The following SEPTIN9 variants were observed in gnomAD, a reference collection of about 807,000 sequenced individuals.
SEPTIN9 encodes the protein septin 9.
In SEPTIN9, 13 loss-of-function variants were observed where a neutral mutation model predicts 56.6. The ratio of observed to expected loss-of-function variants is 0.23; its 90% CI spans 0.15 to 0.37. SEPTIN9 has a LOEUF of 0.37. Ranked by LOEUF, SEPTIN9 falls within the 10% of genes least tolerant of loss-of-function variation. The pLI is 1.00. For synonymous variants in SEPTIN9, 332 were observed against 334.1 expected (o/e 0.99, Z 0.07); for missense variants, 650 against 823.1 (o/e 0.79, Z 2.57).
chr17:77,491,308 C>T (rs2040015608), intron 8 of SEPTIN9, among the ~76,000 whole-genome samples: 1 of 152,080 alleles, frequency 6.6e-6, no homozygotes, highest in Admixed American at 6.5e-5. Context: ...CCTCCACCTC[C>T]CAGGCTCAGT....
At chr17:77,403,384 T>C (rs1276005496) in intron 3 of SEPTIN9, among the ~76,000 whole-genome samples, 2 of 152,226 alleles carry the variant, frequency 1.3e-5, no homozygotes, top group African/African-American at 4.8e-5. Context: ...CACGGTTTTA[T>C]TTGGGGGTGC....
At chr17:77,312,658 G>T (rs997492091) in intron 2 of SEPTIN9, among the ~76,000 whole-genome samples, 6 of 152,306 alleles carry the variant, frequency 3.9e-5, no homozygotes, top group African/African-American at 1.4e-4. Context: ...GATAGGAGAT[G>T]CTTGGGAGAA....
rs57851361 is a variant in SEPTIN9, at chr17:77,350,610, AGTGTGTGTGTGTGT to A, written c.76+43428_76+43441del. Among the ~76,000 whole-genome samples the A allele has an allele frequency of 8.6e-4, 129 of 149,504 alleles. 1 individual carries two copies. Among genetic ancestry groups the A allele is most frequent in the African/African-American group, 3.1e-3 (125 of 40,712 alleles). ...CTGCCTCTCTTCTCTCCTCCAGTGC[AGTGTGTGTGTGTGT>A]GTGTGTGTGTGTGTCCCCACATGCA... is the stretch of plus-strand genomic sequence containing the variant. On this transcript the variant is annotated intron_variant, in intron 2 of 11. Transcript: ENST00000427177.
In SEPTIN9 at chr17:77,492,864, G is replaced by A. The variant is rs2040089522; in HGVS notation, c.1477-116G>A. 4.1e-6 allele frequency: 5 copies of A among 1,222,530 alleles called. No individual in the cohort carries two copies. The highest frequency in any genetic ancestry group is 1.2e-6 in the Non-Finnish European group (1 of 835,360). The allele number at this position is 1,222,530 out of a possible 1,614,324, so 75.7% of individuals were successfully genotyped here. A position where few individuals can be genotyped will look rare whatever the true frequency, so the allele number is the denominator to read the frequency against. On this transcript the variant is annotated intron_variant, in intron 9 of 11. Coordinates refer to ENST00000427177, the MANE Select transcript of SEPTIN9 (RefSeq NM_001113491.2). This position sits in a 1 kb window ranked among gnomAD's most constrained non-coding sequence, Gnocchi z 5.4. ...CAGGTGTCTGTACCCAGTGCTGTCA[G>A]GCTGAGGCTCTCGTTTTTGGGGGAC...
At chr17:77,418,709 C>G (rs992904553) in intron 3 of SEPTIN9, among the ~76,000 whole-genome samples, 1 of 152,174 alleles carries the variant, frequency 6.6e-6, no homozygotes, top group African/African-American at 2.4e-5. Flanking sequence ...TCCTCACGGC[C>G]CATTGATGTC....
chr17:77,365,779 C>T (rs1468387282), intron 2 of SEPTIN9, among the ~76,000 whole-genome samples: 1 of 152,226 alleles, frequency 6.6e-6, no homozygotes, highest in East Asian at 1.9e-4. Context: ...AGCCGCGGTC[C>T]ACAGAGGGCC....
intron 2 of SEPTIN9, among the ~76,000 whole-genome samples, chr17:77,338,088 T>C (rs1357693439): frequency 1.3e-5 from 2 of 152,036 alleles, no homozygotes; most frequent in African/African-American, 2.4e-5. Context: ...TCCCAGCTGC[T>C]TGGGAGGCTG....
At chr17:77,427,860 C>A (rs1406015140) in intron 3 of SEPTIN9, among the ~76,000 whole-genome samples, 1 of 152,198 alleles carries the variant, frequency 6.6e-6, no homozygotes, top group African/African-American at 2.4e-5. Flanking sequence ...TCATCCTGGG[C>A]CTGCCCGACT....
At chr17:77,342,839 C>T (rs746019177) in intron 2 of SEPTIN9, among the ~76,000 whole-genome samples, 7 of 151,922 alleles carry the variant, frequency 4.6e-5, no homozygotes, top group Non-Finnish European at 7.4e-5. Flanking sequence ...CCTGGCGTGG[C>T]GGTGTGTGCC....
At position 77,498,688 on chromosome 17, in the gene SEPTIN9, C is replaced by T. The variant is rs779914920; in HGVS notation, c.*30C>T. On this transcript the variant is annotated 3_prime_UTR_variant, in exon 12 of 12. Coordinates refer to ENST00000427177, the MANE Select transcript of SEPTIN9 (RefSeq NM_001113491.2). Reference sequence around the variant, plus strand: ...CACCCTGCCCACCCCCGGGATCCTGCCCCCAAGTCATTTCCGTCCCCCCCC... The same window carrying T: ...CACCCTGCCCACCCCCGGGATCCTGTCCCCAAGTCATTTCCGTCCCCCCCC... 13 of 1,383,300 alleles carry T rather than the reference C, an allele frequency of 9.4e-6. No homozygotes were observed. The highest frequency in any genetic ancestry group is 2.2e-5 in the Admixed American group (1 of 44,848). The allele number at this position is 1,383,300 out of a possible 1,614,324, so 85.7% of individuals were successfully genotyped here.
chr17:77,396,746 A>G (rs1267505353), intron 2 of SEPTIN9, among the ~76,000 whole-genome samples: 1 of 151,926 alleles, frequency 6.6e-6, no homozygotes, highest in East Asian at 1.9e-4. Context: ...CTCCGTGGGG[A>G]GGCAATTGCC....
chr17:77,307,169 C>G lies in SEPTIN9; in HGVS notation c.48C>G (p.Leu16=), dbSNP rs2032304124. The change falls in exon 2 of 12, where the codon CTC becomes CTG. Residue 16 remains leucine, a synonymous_variant. Coordinates refer to ENST00000427177, the MANE Select transcript of SEPTIN9 (RefSeq NM_001113491.2). ...SGGTRTSSGR[L]RRLGDSSGPA... is the part of the protein sequence containing the mutation. Reference sequence around the variant, plus strand: ...GCACGCGGACCTCCAGTGGCCGGCTCCGGAGGCTTGGTGACTCCAGTGGCC... The same window carrying G: ...GCACGCGGACCTCCAGTGGCCGGCTGCGGAGGCTTGGTGACTCCAGTGGCC... 1.9e-6 allele frequency: 3 copies of G among 1,613,902 alleles called. No homozygotes were observed. The South Asian group carries it at 3.3e-5, about 18-fold the overall frequency.
chr17:77,304,669 G>A (rs555246542), intron 1 of SEPTIN9, among the ~76,000 whole-genome samples: 1 of 152,206 alleles, frequency 6.6e-6, no homozygotes, highest in South Asian at 2.1e-4. Context: ...TTTGCTGGGC[G>A]GCCCCTCCTT....
At chr17:77,302,312 TAA>T (rs2032085149) in intron 1 of SEPTIN9, among the ~76,000 whole-genome samples, 1 of 150,914 alleles carries the variant, frequency 6.6e-6, no homozygotes, top group Admixed American at 6.6e-5. Context: ...AACAAACCAA[TAA>T]AAGACCTTCA....
At chr17:77,482,835 T>TC (rs2143228571) in intron 4 of SEPTIN9, 1 of 476,740 alleles carries the variant, frequency 2.1e-6, no homozygotes, top group East Asian at 3.6e-5. Context: ...CCACGGGAGG[T>TC]CGTCGATCAG....
intron 2 of SEPTIN9, among the ~76,000 whole-genome samples, chr17:77,359,519 G>A (rs2143843048): frequency 6.6e-6 from 1 of 152,338 alleles, no homozygotes; most frequent in South Asian, 2.1e-4. Context: ...GCTGCTGGGT[G>A]CACTGGCTAA....
In SEPTIN9 at chr17:77,449,295, A is replaced by G. The variant is rs2037877031; in HGVS notation, c.722-32849A>G. On this transcript the variant is annotated intron_variant, in intron 3 of 11. Coordinates refer to ENST00000427177, the MANE Select transcript of SEPTIN9 (RefSeq NM_001113491.2). This position sits in a 1 kb window ranked among gnomAD's most constrained non-coding sequence, Gnocchi z 4.6. ...TGGGGGATGCAGCCCCAGGCCGGAG[A>G]TGCCTTCTCTGTGCTCTGGAGACCC... Among the ~76,000 whole-genome samples the G allele has an allele frequency of 6.6e-6, 1 of 152,084 alleles. No individual in the cohort carries two copies. The highest frequency in any genetic ancestry group is 2.1e-4 in the South Asian group (1 of 4,824).
chr17:77,439,791 C>T (rs898347464), intron 3 of SEPTIN9, among the ~76,000 whole-genome samples: 7 of 152,368 alleles, frequency 4.6e-5, no homozygotes, highest in East Asian at 3.9e-4. Context: ...CCTGGGCCTT[C>T]GCCTCTGCAG....
chr17:77,333,145 CT>C (rs1195247609), intron 2 of SEPTIN9, among the ~76,000 whole-genome samples: 2 of 152,212 alleles, frequency 1.3e-5, no homozygotes, highest in Non-Finnish European at 2.9e-5. Flanking sequence ...TCTGTGAAAT[CT>C]TAGTCATTCT....
Sources: allele counts gnomAD v4.1 joint callset (sites outside exome capture counted in the v4.1 genomes callset), GRCh38; gene constraint gnomAD v4.1.1; non-coding constraint Gnocchi (gnomAD v3.1); transcripts MANE v1.5; gene names NCBI Gene and HGNC (gene_info 2026-07-23, HGNC 2026-07-21).